COG4: variants seen among roughly 807,000 people sequenced by gnomAD.
COG4 encodes conserved oligomeric Golgi complex subunit 4.
In COG4, 65 loss-of-function variants were observed where a neutral mutation model predicts 95.1. The ratio of observed to expected loss-of-function variants is 0.68; its 90% CI spans 0.56 to 0.84. The LOEUF is 0.84. COG4 is among the 40% of genes least tolerant of loss of function. The probability of loss-of-function intolerance (pLI) is 0.00; values close to 1 mark genes in which losing one functional copy is unlikely to be tolerated. For synonymous variants in COG4, 421 were observed against 374.8 expected, an observed-to-expected ratio of 1.12 and a Z score of -1.42; for missense variants, 1,045 against 989.1, an observed-to-expected ratio of 1.06 and a Z score of -0.76.
chr16:70,521,352 G>T (rs911081726), intron 1 of COG4, among the ~76,000 whole-genome samples: 3 of 151,942 alleles, frequency 2.0e-5, no homozygotes, highest in Non-Finnish European at 2.9e-5. Context: ...CAATTAGCTG[G>T]GATTATAGAC....
intron 13 of COG4, among the ~76,000 whole-genome samples, chr16:70,489,236 T>G (rs1229833164): frequency 2.0e-5 from 3 of 151,770 alleles, no homozygotes; most frequent in African/African-American, 7.3e-5. Flanking sequence ...TTTTTTTTTT[T>G]GAGACAGAAT....
At chr16:70,503,595 CTTTT>C (rs67706790) in intron 8 of COG4, among the ~76,000 whole-genome samples, 29 of 125,654 alleles carry the variant, frequency 2.3e-4, no homozygotes, top group East Asian at 1.2e-3. Flanking sequence ...CCTACTTACT[CTTTT>C]TTTTTTTTTT....
intron 5 of COG4, 73 bp downstream of exon 5, chr16:70,512,166 T>C: frequency 1.5e-6 from 2 of 1,376,896 alleles, no homozygotes; most frequent in East Asian, 2.3e-5. Flanking sequence ...CCACAGAAAC[T>C]GGATCCATCC....
intron 2 of COG4, among the ~76,000 whole-genome samples, chr16:70,519,282 C>T (rs1255902636): frequency 1.1e-5 from 1 of 89,390 alleles, no homozygotes; most frequent in Non-Finnish European, 1.9e-5. Flanking sequence ...CGCCCGCCAC[C>T]GCGCCCGGCT....
chr16:70,523,273 A>T, intron 1 of COG4, 100 bp downstream of exon 1: 2 of 1,424,432 alleles, frequency 1.4e-6, no homozygotes, highest in African/African-American at 1.4e-5. Flanking sequence ...GCTTTTTTGT[A>T]TCCCCCAGCA....
chr16:70,508,028 C>G (rs1395138788), intron 8 of COG4, among the ~76,000 whole-genome samples: 1 of 151,730 alleles, frequency 6.6e-6, no homozygotes, highest in Non-Finnish European at 1.5e-5. Context: ...TGAAGTGATT[C>G]TCCTGCCTCA....
intron 9 of COG4, among the ~76,000 whole-genome samples, chr16:70,499,550 T>A (rs1375246271): frequency 6.6e-6 from 1 of 152,256 alleles, no homozygotes; most frequent in African/African-American, 2.4e-5. Flanking sequence ...TTTATTTTTT[T>A]AAATTTTTTT....
In COG4 at chr16:70,496,353, G is replaced by A. The variant is rs115668774; in HGVS notation, c.1560C>T (p.Ala520=). ...GGAGGCTGCTGTGCATGATGTTCAC[G>A]GCACTTGTCACCCCGCGCTGGATGT... ...FQDIQRGVTS[A]VNIMHSSLQQ... The change falls in exon 12 of 19, where the codon GCC becomes GCT. Residue 520 remains alanine, a synonymous_variant. Coordinates refer to ENST00000323786, the MANE Select transcript of COG4 (RefSeq NM_015386.3). The A allele has an allele frequency of 3.5e-4, 557 of 1,614,076 alleles. 1 individual carries two copies. The African/African-American group carries it at 6.5e-3, about 19-fold the overall frequency.
intron 3 of COG4, chr16:70,515,758 C>A (rs552677552): frequency 3.5e-6 from 1 of 286,612 alleles, no homozygotes; most frequent in Non-Finnish European, 6.9e-6. Flanking sequence ...AGAGAAGACA[C>A]CCTTGTCTTG....
chr16:70,507,776 C>T (rs537163637), intron 8 of COG4, among the ~76,000 whole-genome samples: 117 of 150,814 alleles, frequency 7.8e-4, no homozygotes, highest in African/African-American at 2.5e-3. Context: ...GGAGGAGAAT[C>T]GCTTGAACCT....
intron 11 of COG4, 25 bp downstream of exon 11, chr16:70,497,196 A>C: frequency 6.2e-7 from 1 of 1,611,646 alleles, no homozygotes; most frequent in Non-Finnish European, 8.5e-7. Flanking sequence ...TTCTGCCTAG[A>C]AAGGAGAAAG....
intron 12 of COG4, among the ~76,000 whole-genome samples, chr16:70,490,907 C>T (rs1426852591): frequency 1.3e-5 from 2 of 151,976 alleles, no homozygotes; most frequent in Non-Finnish European, 2.9e-5. Context: ...GATCTGCCCA[C>T]CTCGGCCTCC....
At chr16:70,483,078 CA>C (rs2049040976) in intron 14 of COG4, among the ~76,000 whole-genome samples, 1 of 90,118 alleles carries the variant, frequency 1.1e-5, no homozygotes, top group Non-Finnish European at 2.2e-5. Context: ...CTCCCCACCC[CA>C]TCCCTCTTTT....
intron 5 of COG4, among the ~76,000 whole-genome samples, chr16:70,511,679 T>A (rs1222848319): frequency 4.6e-5 from 7 of 151,880 alleles, no homozygotes; most frequent in Non-Finnish European, 1.0e-4. Context: ...ACACCTGTAA[T>A]CCCATCACTT....
intron 12 of COG4, among the ~76,000 whole-genome samples, chr16:70,494,396 A>G (rs1456319051): frequency 6.6e-6 from 1 of 152,176 alleles, no homozygotes; most frequent in African/African-American, 2.4e-5. Context: ...TAGACAGCCA[A>G]ATGAATCAAG....
chr16:70,486,141 C>T (rs973653138), intron 13 of COG4, among the ~76,000 whole-genome samples: 2 of 152,134 alleles, frequency 1.3e-5, no homozygotes, highest in East Asian at 1.9e-4. Context: ...GTGATCCGCC[C>T]GCCTTGGCCT....
rs777755411 is a variant in COG4, at chr16:70,501,071, G to A, written c.1082C>T (p.Thr361Ile). 6.2e-6 allele frequency: 10 copies of A among 1,613,630 alleles called. No homozygotes were observed. Among genetic ancestry groups the A allele is most frequent in the Non-Finnish European group, 6.8e-6 (8 of 1,180,014 alleles). ...IEPRELDPIL[T>I]EVTLMNARSE... ...GCGGGCATTCATCAGGGTGACCTCAGTCAGGATGGGGTCCAGTTCTCTGAG... is the reference window on the plus strand; with the variant it reads ...GCGGGCATTCATCAGGGTGACCTCAATCAGGATGGGGTCCAGTTCTCTGAG... Residue 361 changes from threonine to isoleucine, a missense_variant, in exon 9 of 19, where the codon ACT (threonine) becomes ATT (isoleucine). By Grantham distance (89) the Thr-to-Ile change is moderately conservative. Transcript: ENST00000323786.
intron 2 of COG4, among the ~76,000 whole-genome samples, chr16:70,518,805 T>C (rs907206680): frequency 2.0e-5 from 3 of 151,870 alleles, no homozygotes; most frequent in Non-Finnish European, 2.9e-5. Flanking sequence ...GGTGAAACCC[T>C]GTCTCTACTA....
intron 8 of COG4, among the ~76,000 whole-genome samples, chr16:70,502,280 CAAAAAAA>C (rs59805765): frequency 1.7e-3 from 32 of 19,102 alleles, no homozygotes; most frequent in African/African-American, 3.2e-3. Context: ...GACTCCGTCT[CAAAAAAA>C]AAAAAAAAAA....
Sources: gnomAD v4.1 joint callset for allele counts (sites outside exome capture counted in the v4.1 genomes callset) on GRCh38, gnomAD v4.1.1 for gene constraint, MANE v1.5 for transcripts, NCBI Gene and HGNC (gene_info 2026-07-23, HGNC 2026-07-21) for gene names.